ALOX5: variants seen among roughly 807,000 people sequenced by gnomAD.
ALOX5 encodes the protein arachidonate 5-lipoxygenase.
A neutral mutation model predicts 87.9 loss-of-function variants in ALOX5; 64 were observed. The observed-to-expected ratio is 0.73, with a 90% CI of 0.60 to 0.90. The LOEUF is 0.90. ALOX5 is among the 40% of genes least tolerant of loss of function. The probability of loss-of-function intolerance (pLI) is 0.00; values close to 1 mark genes in which losing one functional copy is unlikely to be tolerated. For synonymous variants in ALOX5, 388 were observed against 355.1 expected, an observed-to-expected ratio of 1.09 and a Z score of -1.04; for missense variants, 822 against 907.5, an observed-to-expected ratio of 0.91 and a Z score of 1.21.
chr10:45,391,328 C>T (rs1053075698), intron 2 of ALOX5, among the ~76,000 whole-genome samples: 10 of 152,316 alleles, frequency 6.6e-5, no homozygotes, highest in East Asian at 1.9e-4. Flanking sequence ...CTCCTAACCG[C>T]GAGTGATCCG....
intron 7 of ALOX5, among the ~76,000 whole-genome samples, chr10:45,440,106 T>C (rs1842179722): frequency 6.6e-6 from 1 of 152,198 alleles, no homozygotes; most frequent in Non-Finnish European, 1.5e-5. Flanking sequence ...CCTCCGCTGC[T>C]GGGCCTTCGG....
Position 45,444,158 on chromosome 10 carries a change from C to T in ALOX5, c.1717C>T (p.Arg573Ter), listed in dbSNP as rs1474267016. Residue 573 changes from arginine to a stop codon, truncating the protein, a stop_gained, in exon 13 of 14, where the codon CGA becomes TGA. Coordinates refer to ENST00000374391, the MANE Select transcript of ALOX5 (RefSeq NM_000698.5). LOFTEE classifies it high-confidence loss of function. ...GATCCCCAATGCGCCCCCAACCATG[C>T]GAGCCCCGCCACCGACTGCCAAGGG... ...SWIPNAPPTM[R>*]APPPTAKGVV... The T allele has an allele frequency of 1.3e-6, 2 of 1,554,504 alleles. No homozygotes were observed. The highest frequency in any genetic ancestry group is 1.7e-6 in the Non-Finnish European group (2 of 1,149,130).
Position 45,443,018 on chromosome 10 carries a change from C to G in ALOX5, c.1273-20C>G. 6.2e-7 allele frequency: 1 copy of G among 1,604,214 alleles called. No homozygotes were observed. The highest frequency in any genetic ancestry group is 8.5e-7 in the Non-Finnish European group (1 of 1,175,124). ...TGTGGGAGGAGCCACCCGCTCAGGG[C>G]ACTCTACCTCCCACTCCAGGCCAAC... is the stretch of plus-strand genomic sequence containing the variant. On this transcript the variant is annotated intron_variant, in intron 9 of 13. Transcript: ENST00000374391.
chr10:45,405,881 G>A (rs1401134475), intron 3 of ALOX5, among the ~76,000 whole-genome samples: 3 of 152,134 alleles, frequency 2.0e-5, no homozygotes, highest in Non-Finnish European at 4.4e-5. Flanking sequence ...TGGGGCTACA[G>A]GCGTGCGCCA....
At chr10:45,443,380 C>A in intron 10 of ALOX5, 36 bp from the exon 11 acceptor site, 1 of 1,595,778 alleles carries the variant, frequency 6.3e-7, no homozygotes, top group South Asian at 1.1e-5. Flanking sequence ...GCAGACCTGG[C>A]TGGGTCGCCC....
intron 13 of ALOX5, chr10:45,444,634 G>A (rs1842376662): frequency 3.4e-6 from 1 of 296,954 alleles, no homozygotes; most frequent in Non-Finnish European, 6.2e-6. Context: ...GGTTCCTTCC[G>A]GACACGTGCA....
At chr10:45,375,273 T>G (rs1480950946) in intron 1 of ALOX5, among the ~76,000 whole-genome samples, 2 of 152,172 alleles carry the variant, frequency 1.3e-5, no homozygotes, top group African/African-American at 4.8e-5. Context: ...AGCTAGTTCC[T>G]AATGCTGATC....
At chr10:45,392,579 G>C (rs972407458) in intron 2 of ALOX5, among the ~76,000 whole-genome samples, 1 of 151,902 alleles carries the variant, frequency 6.6e-6, no homozygotes, top group Non-Finnish European at 1.5e-5. Flanking sequence ...GCGGATGGCC[G>C]CAGGGTCCTC....
rs144067791 is a variant in ALOX5, at chr10:45,441,382, C to T, written c.1224C>T (p.Asn408=). ...VAHVRFTIAI[N]TKAREQLICE... ...ACGTGAGATTCACCATTGCAATCAA[C>T]ACCAAGGCCCGTGAGCAGCTCATCT... is the stretch of plus-strand genomic sequence containing the variant. Residue 408 remains asparagine, a synonymous_variant, in exon 9 of 14, where the codon AAC becomes AAT. Transcript: ENST00000374391. The T allele has an allele frequency of 1.1e-5, 18 of 1,613,780 alleles. No homozygotes were observed. Among genetic ancestry groups the T allele is most frequent in the Non-Finnish European group, 1.4e-5 (16 of 1,179,828 alleles).
At chr10:45,402,502 G>A (rs1437862217) in intron 3 of ALOX5, among the ~76,000 whole-genome samples, 2 of 152,182 alleles carry the variant, frequency 1.3e-5, no homozygotes, top group Non-Finnish European at 2.9e-5. Flanking sequence ...AGGAGAAGGA[G>A]AAGAAATCAG....
intron 3 of ALOX5, among the ~76,000 whole-genome samples, chr10:45,402,485 G>C (rs1840737094): frequency 6.6e-6 from 1 of 152,188 alleles, no homozygotes; most frequent in African/African-American, 2.4e-5. Context: ...CCAGCACGGA[G>C]GGCTGAAGGA....
chr10:45,431,733 C>T (rs1306955427), intron 7 of ALOX5, among the ~76,000 whole-genome samples: 1 of 151,940 alleles, frequency 6.6e-6, no homozygotes, highest in Non-Finnish European at 1.5e-5. Context: ...CCACCACGCC[C>T]AGCTAATTTT....
chr10:45,396,491 G>A (rs1840512187), intron 3 of ALOX5, among the ~76,000 whole-genome samples: 1 of 152,138 alleles, frequency 6.6e-6, no homozygotes, highest in Non-Finnish European at 1.5e-5. Context: ...TAAATGAAAT[G>A]CGCAAATTCC....
chr10:45,424,119 C>T lies in ALOX5; in HGVS notation c.633C>T (p.Ile211=). Reference sequence around the variant, plus strand: ...ATGACTTCGCCGACTTTGAGAAAATCTTTGTCAAGATCAGCAACACTATTT... The same window carrying T: ...ATGACTTCGCCGACTTTGAGAAAATTTTTGTCAAGATCAGCAACACTATTT... ...SWNDFADFEK[I]FVKISNTISE... The change falls in exon 5 of 14, where the codon ATC becomes ATT. Residue 211 remains isoleucine (I), a synonymous_variant. Transcript: ENST00000374391. 6.2e-7 allele frequency: 1 copy of T among 1,614,098 alleles called. No homozygotes were observed. Among genetic ancestry groups the T allele is most frequent in the Non-Finnish European group, 8.5e-7 (1 of 1,179,938 alleles).
At position 45,440,418 on chromosome 10, in the gene ALOX5, C is replaced by G; in HGVS notation, c.982-12C>G. On this transcript the variant is annotated splice_polypyrimidine_tract_variant and intron_variant, in intron 7 of 13. Transcript: ENST00000374391. ...AATATAGCAGTGTGTTTCCTTTCCC[C>G]CAATGTATCAGCTCAACCAAATCCC... 6.2e-7 allele frequency: 1 copy of G among 1,613,270 alleles called. No individual in the cohort carries two copies. The highest frequency in any genetic ancestry group is 2.2e-5 in the East Asian group (1 of 44,872).
intron 2 of ALOX5, among the ~76,000 whole-genome samples, chr10:45,390,955 AAAG>A (rs1359470003): frequency 3.3e-5 from 5 of 151,188 alleles, no homozygotes; most frequent in Non-Finnish European, 5.9e-5. Flanking sequence ...CAAGACTAAT[AAAG>A]AAGAAAAGAG....
At chr10:45,420,007 C>T (rs1223303238) in intron 4 of ALOX5, among the ~76,000 whole-genome samples, 1 of 152,146 alleles carries the variant, frequency 6.6e-6, no homozygotes, top group Non-Finnish European at 1.5e-5. Context: ...GGAAGAAGAC[C>T]ACATCCCCTC....
intron 3 of ALOX5, among the ~76,000 whole-genome samples, chr10:45,409,303 A>G (rs1399574169): frequency 7.6e-6 from 1 of 132,156 alleles, no homozygotes; most frequent in African/African-American, 3.1e-5. Context: ...CTATTCTTGA[A>G]TTGTTCTTTG....
chr10:45,415,431 G>A (rs962078355), intron 4 of ALOX5, among the ~76,000 whole-genome samples: 1 of 152,184 alleles, frequency 6.6e-6, no homozygotes, highest in Non-Finnish European at 1.5e-5. Context: ...ACCAGGGCCT[G>A]TCATGGGGTG....
Sources: gnomAD v4.1 joint callset for allele counts (sites outside exome capture counted in the v4.1 genomes callset) on GRCh38, gnomAD v4.1.1 for gene constraint, MANE v1.5 for transcripts, NCBI Gene and HGNC (gene_info 2026-07-23, HGNC 2026-07-21) for gene names.